TXNDC16: variants seen among roughly 807,000 people sequenced by gnomAD.
TXNDC16 encodes thioredoxin domain containing 16.
Under a neutral mutation model 85.6 loss-of-function variants are expected in TXNDC16, and 74 were observed. The observed-to-expected ratio is 0.86, with a 90% CI of 0.72 to 1.05. The LOEUF is 1.05. Ranked by LOEUF, TXNDC16 falls within the 50% of genes least tolerant of loss-of-function variation. TXNDC16 has a pLI of 0.00. For synonymous variants in TXNDC16, 335 were observed against 326.5 expected, an observed-to-expected ratio of 1.03 and a Z score of -0.28; for missense variants, 959 against 947.0, an observed-to-expected ratio of 1.01 and a Z score of -0.17.
chr14:52,460,625 C>T (rs542777381), intron 16 of TXNDC16, among the ~76,000 whole-genome samples: 1 of 152,100 alleles, frequency 6.6e-6, no homozygotes, highest in African/African-American at 2.4e-5. Context: ...TTAAATATGT[C>T]AAAAGTTTAA....
chr14:52,435,778 C>G (rs2035012801), intron 20 of TXNDC16, among the ~76,000 whole-genome samples: 1 of 151,840 alleles, frequency 6.6e-6, no homozygotes, highest in African/African-American at 2.4e-5. Context: ...CTGGACAACA[C>G]AGTGAGACCC....
rs191641317 is a variant in TXNDC16 at position 52,481,732 on chromosome 14, C to T, written c.1312+498G>A. Among the ~76,000 whole-genome samples, 17 of 152,126 alleles carry T rather than the reference C, an allele frequency of 1.1e-4. No individual in the cohort carries two copies. The East Asian group carries it at 1.2e-3, about 10-fold the overall frequency. On this transcript the variant is annotated intron_variant, in intron 14 of 20. Coordinates refer to ENST00000281741, the MANE Select transcript of TXNDC16 (RefSeq NM_020784.3). ...TCCATTCCTTGGATCTTTATTTGCC[C>T]ACTATTAAATGAGGTTTCACAGGAT... is the stretch of plus-strand genomic sequence containing the variant.
At chr14:52,437,851 A>T (rs1304288431) in intron 20 of TXNDC16, among the ~76,000 whole-genome samples, 1 of 152,204 alleles carries the variant, frequency 6.6e-6, no homozygotes, top group East Asian at 1.9e-4. Context: ...AGCAAATCAA[A>T]CCTACAATGA....
intron 6 of TXNDC16, among the ~76,000 whole-genome samples, chr14:52,535,939 G>C (rs1025560915): frequency 6.6e-6 from 1 of 151,978 alleles, no homozygotes; most frequent in Non-Finnish European, 1.5e-5. Flanking sequence ...TGGGAGGATC[G>C]CTTGAGCCTG....
chr14:52,550,810 G>A (rs560770698), intron 1 of TXNDC16, among the ~76,000 whole-genome samples: 1 of 152,286 alleles, frequency 6.6e-6, no homozygotes, highest in African/African-American at 2.4e-5. Context: ...CTGATTTTAT[G>A]CTCAATTTAA....
intron 9 of TXNDC16, among the ~76,000 whole-genome samples, chr14:52,509,949 C>G (rs1437915351): frequency 6.6e-6 from 1 of 151,236 alleles, no homozygotes; most frequent in African/African-American, 2.4e-5. Flanking sequence ...CCACTGCACT[C>G]CAGCCTGGGA....
rs767690238 is a variant in TXNDC16 at position 52,490,906 on chromosome 14, C to A, written c.856G>T (p.Asp286Tyr). The A allele has an allele frequency of 2.0e-5, 32 of 1,612,806 alleles. No individual in the cohort carries two copies. Among genetic ancestry groups the A allele is most frequent in the Admixed American group, 3.3e-5 (2 of 59,816 alleles). ...IVSQQATYEA[D>Y]RRTAEWVAWR... ...GCAACCCATTCTGCAGTTCTTCTAT[C>A]AGCTTCATAAGTAGCCTGTTGGCTA... The change falls in exon 10 of 21, where the codon GAT becomes TAT. Residue 286 changes from aspartate (D) to tyrosine (Y), a missense_variant. Transcript: ENST00000281741.
At chr14:52,452,445 A>G (rs1328493947) in intron 18 of TXNDC16, among the ~76,000 whole-genome samples, 3 of 152,210 alleles carry the variant, frequency 2.0e-5, no homozygotes, top group Non-Finnish European at 4.4e-5. Flanking sequence ...CTATAGAGCT[A>G]TAGTAACCAA....
chr14:52,527,931 T>C (rs2037376841), intron 6 of TXNDC16, among the ~76,000 whole-genome samples: 1 of 152,162 alleles, frequency 6.6e-6, no homozygotes, highest in Non-Finnish European at 1.5e-5. Context: ...GAGAAAATTT[T>C]AATAGATTGA....
chr14:52,477,318 C>G (rs537645614), intron 14 of TXNDC16, among the ~76,000 whole-genome samples: 1 of 152,154 alleles, frequency 6.6e-6, no homozygotes, highest in Non-Finnish European at 1.5e-5. Context: ...AATGGTATCT[C>G]ACATCTCAAT....
intron 9 of TXNDC16, among the ~76,000 whole-genome samples, chr14:52,502,271 C>A (rs1310471864): frequency 2.0e-5 from 3 of 152,216 alleles, no homozygotes; most frequent in Non-Finnish European, 4.4e-5. Context: ...AAAGTTCAAA[C>A]AAATAAAACG....
intron 6 of TXNDC16, among the ~76,000 whole-genome samples, chr14:52,527,903 A>G (rs549155125): frequency 0.01 from 1,559 of 150,350 alleles, 23 homozygotes; most frequent in African/African-American, 0.036. Flanking sequence ...CACTTACTAC[A>G]TCCTGCAAAA....
chr14:52,485,220 C>T (rs544860455), intron 12 of TXNDC16, among the ~76,000 whole-genome samples: 2 of 151,908 alleles, frequency 1.3e-5, no homozygotes, highest in South Asian at 4.2e-4. Context: ...TTTGTGTTTT[C>T]GTTTTTAGAG....
chr14:52,434,908 GT>G (rs1411695595), intron 20 of TXNDC16, among the ~76,000 whole-genome samples: 1 of 152,204 alleles, frequency 6.6e-6, no homozygotes, highest in Non-Finnish European at 1.5e-5. Flanking sequence ...TGGCAAAGAT[GT>G]TAACAAAATT....
At chr14:52,522,106 C>A (rs550968525) in intron 6 of TXNDC16, among the ~76,000 whole-genome samples, 36 of 152,290 alleles carry the variant, frequency 2.4e-4, no homozygotes, top group Middle Eastern at 3.4e-3. Flanking sequence ...TTGGGAGGTA[C>A]AATCTAGTTA....
intron 6 of TXNDC16, among the ~76,000 whole-genome samples, chr14:52,526,996 G>A (rs1159884150): frequency 2.0e-5 from 3 of 152,218 alleles, no homozygotes; most frequent in East Asian, 3.8e-4. Flanking sequence ...GCATGCCAGG[G>A]GAGGGCATGG....
intron 1 of TXNDC16, among the ~76,000 whole-genome samples, chr14:52,545,120 G>C (rs2037915935): frequency 6.6e-6 from 1 of 152,054 alleles, no homozygotes; most frequent in African/African-American, 2.4e-5. Flanking sequence ...AACATGAAAA[G>C]CACAGGTGAA....
In TXNDC16 at chr14:52,542,404, T is replaced by C. The variant is rs1472881544; in HGVS notation, c.210A>G (p.Arg70=). ...CTGAAATTCCATAGTCCTGCAGAGGTCTAACAGCCTCATTCAGTTCTTCAA... is the reference window on the plus strand; with the variant it reads ...CTGAAATTCCATAGTCCTGCAGAGGCCTAACAGCCTCATTCAGTTCTTCAA... ...VFLEELNEAV[R]PLQDYGISVA... The change falls in exon 4 of 21, where the codon AGA becomes AGG. Residue 70 remains arginine (R), a synonymous_variant. Coordinates refer to ENST00000281741, the MANE Select transcript of TXNDC16 (RefSeq NM_020784.3). 3 of 1,612,638 alleles carry C rather than the reference T, an allele frequency of 1.9e-6. No individual in the cohort carries two copies. Among genetic ancestry groups the C allele is most frequent in the Admixed American group, 1.7e-5 (1 of 59,764 alleles).
chr14:52,498,109 T>C (rs914992972), intron 9 of TXNDC16, among the ~76,000 whole-genome samples: 16 of 152,058 alleles, frequency 1.1e-4, no homozygotes, highest in African/African-American at 3.6e-4. Context: ...AATTTCATGA[T>C]AAAAACTCAC....
Sources: gnomAD v4.1 joint callset for allele counts (sites outside exome capture counted in the v4.1 genomes callset) on GRCh38, gnomAD v4.1.1 for gene constraint, MANE v1.5 for transcripts, NCBI Gene and HGNC (gene_info 2026-07-23, HGNC 2026-07-21) for gene names.